The following TENM1 variants were observed in gnomAD, a reference collection of about 807,000 sequenced individuals.
TENM1 encodes teneurin-1.
In TENM1, 35 loss-of-function variants were observed where a neutral mutation model predicts 174.8. The observed-to-expected ratio is 0.20, with a 90% CI of 0.15 to 0.27. The LOEUF is 0.27. TENM1 is among the 10% of genes least tolerant of loss of function. The pLI is 1.00. For missense variants in TENM1, 1,633 were observed against 2,130.1 expected, an observed-to-expected ratio of 0.77 and a Z score of 4.59; for synonymous variants, 781 against 798.7, an observed-to-expected ratio of 0.98 and a Z score of 0.37.
chrX:124,726,330 C>T (rs1216497227), intron 4 of TENM1, among the ~76,000 whole-genome samples: 1 of 112,490 alleles, frequency 8.9e-6, no homozygotes, highest in East Asian at 2.8e-4. Context: ...TAACTAGAGA[C>T]TGTATCACAC....
At chrX:124,487,110 C>A in intron 21 of TENM1, 99 bp downstream of exon 24, 1 of 860,359 alleles carries the variant, frequency 1.2e-6, no homozygotes, top group African/African-American at 2.0e-5. Context: ...TATTCTTTAA[C>A]CTTATTTAGG....
At chrX:124,864,601 C>G (rs373574389) in intron 3 of TENM1, among the ~76,000 whole-genome samples, 13 of 111,268 alleles carry the variant, frequency 1.2e-4, no homozygotes, top group African/African-American at 3.9e-4. Flanking sequence ...AGCATGACTA[C>G]AGGATCTAGA....
At chrX:124,826,677 G>T (rs1276483713) in intron 3 of TENM1, among the ~76,000 whole-genome samples, 1 of 111,114 alleles carries the variant, frequency 9.0e-6, no homozygotes, top group East Asian at 2.8e-4. Context: ...GTTCTTTCTG[G>T]GTTGTGACAG....
rs1048582013 is a variant in TENM1 at position 124,400,077 on chromosome X, C to T, written c.5391+4954G>A. Among the ~76,000 whole-genome samples, 3 of 111,810 alleles carry T rather than the reference C, an allele frequency of 2.7e-5. No individual in the cohort carries two copies. In the Admixed American group the frequency reaches 2.8e-4, roughly 11 times the overall value. On this transcript the variant is annotated intron_variant, in intron 27 of 31. Transcript: ENST00000422452. ...CCTTGATATAGGAAATCTCCTGTCT[C>T]CAGGGGGCTCCTTAGGGGGAAAAGC...
At chrX:125,066,450 C>T in the TENM1 span, among the ~76,000 whole-genome samples, 1 of 111,162 alleles carries the variant, frequency 9.0e-6, no homozygotes, top group Non-Finnish European at 1.9e-5. Context: ...CATTACAATC[C>T]TCAAAGTGTA....
chrX:124,741,623 A>G (rs1362429283), intron 3 of TENM1, among the ~76,000 whole-genome samples: 7 of 112,168 alleles, frequency 6.2e-5, no homozygotes, highest in Admixed American at 3.8e-4. Flanking sequence ...CAAATATGAC[A>G]CTTTATCTTG....
intron 1 of TENM1, among the ~76,000 whole-genome samples, chrX:124,950,244 T>C (rs769728602): frequency 3.6e-5 from 4 of 112,224 alleles, no homozygotes; most frequent in Non-Finnish European, 7.5e-5. Flanking sequence ...CTTTCTATTA[T>C]ACCATCATGA....
intron 11 of TENM1, among the ~76,000 whole-genome samples, chrX:124,603,809 C>T (rs2050087079): frequency 8.9e-6 from 1 of 111,843 alleles, no homozygotes; most frequent in South Asian, 3.7e-4. Context: ...TGTCCTGTTA[C>T]TTACTTCAAG....
chrX:124,794,682 C>T (rs1355730090), intron 3 of TENM1, among the ~76,000 whole-genome samples: 1 of 111,315 alleles, frequency 9.0e-6, no homozygotes, highest in Non-Finnish European at 1.9e-5. Flanking sequence ...GAACATCCCA[C>T]CCCTTGCTTA....
At chrX:124,853,446 T>C (rs1569465068) in intron 3 of TENM1, among the ~76,000 whole-genome samples, 1 of 110,864 alleles carries the variant, frequency 9.0e-6, no homozygotes, top group Non-Finnish European at 1.9e-5. Context: ...GTGGGGAGTG[T>C]ATGGGATCAA....
In TENM1 at chrX:124,469,329, T is replaced by A. The variant is rs183457309; in HGVS notation, c.3949+12403A>T. 4.3e-3 allele frequency among the ~76,000 whole-genome samples: 487 copies of A among 112,257 alleles called. 2 individuals carry two copies. The highest frequency in any genetic ancestry group is 0.015 in the African/African-American group (453 of 30,946). On this transcript the variant is annotated intron_variant, in intron 22 of 31. Coordinates refer to ENST00000422452, the Ensembl canonical transcript of TENM1. The stretch of plus-strand genomic sequence containing the variant: ...ATCATCATACTTCATTCAGTACTTA[T>A]TCTGTGCCAGGCACTGTTTAACCCA...
chrX:125,149,032 T>C, the TENM1 span, among the ~76,000 whole-genome samples: 1 of 111,910 alleles, frequency 8.9e-6, no homozygotes, highest in Admixed American at 9.5e-5. Context: ...TCCTTTGCTG[T>C]CAGGATAAAA....
exon 17 of TENM1, chrX:124,523,502 G>A (rs1284590771): frequency 8.3e-7 from 1 of 1,209,309 alleles, no homozygotes; most frequent in Non-Finnish European, 1.1e-6. Context: ...CTCTCTGCAT[G>A]GTGACTTTCT....
chrX:124,392,324 T>C (rs1370892393), exon 28 of TENM1: 2 of 1,206,123 alleles, frequency 1.7e-6, no homozygotes, highest in Admixed American at 2.2e-5. Flanking sequence ...TCAAAATCTA[T>C]GGAGAGTAGG....
intron 5 of TENM1, among the ~76,000 whole-genome samples, chrX:124,696,512 T>C (rs1314021788): frequency 3.6e-5 from 4 of 111,007 alleles, no homozygotes; most frequent in Non-Finnish European, 7.6e-5. Flanking sequence ...TCCTAGTTTC[T>C]TGACAGCTGG....
intron 27 of TENM1, among the ~76,000 whole-genome samples, chrX:124,396,524 G>A (rs192660731): frequency 0.01 from 1,099 of 109,603 alleles, 9 homozygotes; most frequent in Non-Finnish European, 0.015. Flanking sequence ...GGCTGGTCTC[G>A]AACTCCTGAC....
At chrX:124,437,104 A>ATTTTTTTT (rs35632932) in intron 23 of TENM1, among the ~76,000 whole-genome samples, 1 of 34,908 alleles carries the variant, frequency 2.9e-5, no homozygotes, top group African/African-American at 1.2e-4. Context: ...TGCTCGGCTA[A>ATTTTTTTT]TTTTTTTTTT....
intron 18 of TENM1, among the ~76,000 whole-genome samples, chrX:124,514,337 C>T (rs1362998874): frequency 9.1e-6 from 1 of 110,366 alleles, no homozygotes; most frequent in Non-Finnish European, 1.9e-5. Flanking sequence ...CCCATCGAAA[C>T]CCAACTGGGG....
intron 11 of TENM1, among the ~76,000 whole-genome samples, chrX:124,610,420 C>T (rs1017989729): frequency 5.4e-5 from 6 of 112,062 alleles, no homozygotes; most frequent in African/African-American, 1.9e-4. Context: ...CCTTTGGAAT[C>T]TATTTTTCAG....
Sources: gnomAD v4.1 joint callset for allele counts (sites outside exome capture counted in the v4.1 genomes callset) on GRCh38, gnomAD v4.1.1 for gene constraint, MANE v1.5 for transcripts, NCBI Gene and HGNC (gene_info 2026-07-23, HGNC 2026-07-21) for gene names.